HIVEP3: variants seen among roughly 807,000 people sequenced by gnomAD.
The protein encoded by HIVEP3 is HIVEP zinc finger 3, also known as transcription factor HIVEP3.
A neutral mutation model predicts 152.8 loss-of-function variants in HIVEP3; 49 were observed. The ratio of observed to expected loss-of-function variants is 0.32; its 90% CI spans 0.26 to 0.41. The LOEUF is 0.41. HIVEP3 is among the 10% of genes least tolerant of loss of function. The pLI is 1.00. For missense variants in HIVEP3, 2,790 were observed against 3,103.3 expected (o/e 0.90, Z 2.40); for synonymous variants, 1,269 against 1,289.0 (o/e 0.98, Z 0.33).
At chr1:41,626,481 A>G (rs943375) in intron 3 of HIVEP3, among the ~76,000 whole-genome samples, 90,037 of 152,068 alleles carry the variant, frequency 0.59, 27,496 homozygotes, top group African/African-American at 0.75. Context: ...CGGACAAACA[A>G]AGAGTCTGGG....
chr1:41,877,856 T>C (rs1264627216), intron 1 of HIVEP3, among the ~76,000 whole-genome samples: 2 of 152,126 alleles, frequency 1.3e-5, no homozygotes, highest in Non-Finnish European at 2.9e-5. Context: ...TCAACAAATA[T>C]CATTTGTTTT....
intron 1 of HIVEP3, among the ~76,000 whole-genome samples, chr1:41,761,677 GTGTA>G (rs1252833017): frequency 3.3e-5 from 5 of 152,172 alleles, no homozygotes; most frequent in African/African-American, 1.2e-4. Context: ...GTATACATAA[GTGTA>G]TGAGTAAATA....
intron 1 of HIVEP3, among the ~76,000 whole-genome samples, chr1:41,913,353 C>A (rs1005551447): frequency 6.6e-6 from 1 of 152,136 alleles, no homozygotes; most frequent in Non-Finnish European, 1.5e-5. Flanking sequence ...TTTCAAAATT[C>A]TTCTTCTATT....
At chr1:41,978,300 C>A (rs1465236254) in intron 1 of HIVEP3, among the ~76,000 whole-genome samples, 2 of 152,136 alleles carry the variant, frequency 1.3e-5, no homozygotes, top group Non-Finnish European at 2.9e-5. Flanking sequence ...CCCCCACCCC[C>A]CAAATTCATA....
chr1:41,571,434 TG>T (rs1644250493), intron 5 of HIVEP3, among the ~76,000 whole-genome samples: 2 of 152,214 alleles, frequency 1.3e-5, no homozygotes, highest in Admixed American at 6.5e-5. Context: ...ACATCCCTGA[TG>T]GGCACTCCCA....
chr1:41,954,948 T>C (rs1012382224), intron 1 of HIVEP3, among the ~76,000 whole-genome samples: 1 of 150,204 alleles, frequency 6.7e-6, no homozygotes, highest in Admixed American at 6.7e-5. Context: ...TTAGGAACCA[T>C]TTTCTCAGCT....
At chr1:41,930,405 C>T (rs376530705) in intron 1 of HIVEP3, among the ~76,000 whole-genome samples, 3 of 152,296 alleles carry the variant, frequency 2.0e-5, no homozygotes, top group East Asian at 1.9e-4. Context: ...GATTCTTTCA[C>T]TTCGCAAAAT....
At chr1:41,854,517 CTT>C (rs998972000) in intron 1 of HIVEP3, among the ~76,000 whole-genome samples, 2,387 of 103,554 alleles carry the variant, frequency 0.023, 18 homozygotes, top group African/African-American at 0.027. Flanking sequence ...TCTTGCTGCA[CTT>C]TTTTTTTTTT....
intron 2 of HIVEP3, among the ~76,000 whole-genome samples, chr1:41,687,622 A>G (rs1028964939): frequency 6.6e-6 from 1 of 152,180 alleles, no homozygotes. Context: ...AAACGCACAC[A>G]CTTAGGTGCA....
At chr1:41,676,846 C>T (rs1411500735) in intron 2 of HIVEP3, among the ~76,000 whole-genome samples, 1 of 152,196 alleles carries the variant, frequency 6.6e-6, no homozygotes, top group African/African-American at 2.4e-5. Context: ...GGGCCAATCA[C>T]AGCACCTCCC....
At chr1:41,563,806 A>G (rs1480242062) in intron 5 of HIVEP3, among the ~76,000 whole-genome samples, 2 of 152,242 alleles carry the variant, frequency 1.3e-5, no homozygotes, top group Non-Finnish European at 2.9e-5. Flanking sequence ...ACCAAGTAAC[A>G]TTAATAACAA....
intron 1 of HIVEP3, among the ~76,000 whole-genome samples, chr1:41,822,657 C>T (rs746640306): frequency 2.0e-5 from 3 of 152,168 alleles, no homozygotes; most frequent in Non-Finnish European, 2.9e-5. Flanking sequence ...CCAGCTATAC[C>T]ATGACAGTCC....
chr1:41,659,031 T>G (rs1480021094), intron 2 of HIVEP3, among the ~76,000 whole-genome samples: 1 of 152,152 alleles, frequency 6.6e-6, no homozygotes, highest in Admixed American at 6.5e-5. Context: ...TGGGCTTTAG[T>G]GATTGAACCA....
Position 41,524,715 on chromosome 1 carries a change from C to G in HIVEP3, c.5383+20G>C. ...TCCCTGCAGCGGGCAGGGGCAGTGCCCCAGCTGACTCTCTCTTACCTTTGG... is the reference window on the plus strand; with the variant it reads ...TCCCTGCAGCGGGCAGGGGCAGTGCGCCAGCTGACTCTCTCTTACCTTTGG... On this transcript the variant is annotated intron_variant, in intron 6 of 8. Coordinates refer to ENST00000372583, the MANE Select transcript of HIVEP3 (RefSeq NM_024503.5). 6.2e-7 allele frequency: 1 copy of G among 1,611,540 alleles called. No homozygotes were observed. Among genetic ancestry groups the G allele is most frequent in the Non-Finnish European group, 8.5e-7 (1 of 1,178,690 alleles).
chr1:41,581,390 C>T lies in HIVEP3; in HGVS notation c.3408G>A (p.Lys1136=), dbSNP rs200163948. The change falls in exon 4 of 9, where the codon AAG becomes AAA. Residue 1136 remains lysine, a synonymous_variant. Coordinates refer to ENST00000372583, the MANE Select transcript of HIVEP3 (RefSeq NM_024503.5). The surrounding 1 kb of genome is among the most constrained non-coding windows in gnomAD (Gnocchi z 4.5). ...GGGAGACTGGTGGGGGCAGGTATGGCTTCTCATGCAGGGGTGTCTGGGCAA... is the reference window on the plus strand; with the variant it reads ...GGGAGACTGGTGGGGGCAGGTATGGTTTCTCATGCAGGGGTGTCTGGGCAA... ...HPVAQTPLHE[K]PYLPPPVSLF... 125 of 1,609,934 alleles carry T rather than the reference C, an allele frequency of 7.8e-5. No homozygotes were observed. The Middle Eastern group carries it at 1.2e-3, about 15-fold the overall frequency.
At chr1:41,707,998 C>T (rs1210241225) in intron 1 of HIVEP3, among the ~76,000 whole-genome samples, 1 of 152,200 alleles carries the variant, frequency 6.6e-6, no homozygotes, top group Non-Finnish European at 1.5e-5. Context: ...GGGGCTGACA[C>T]CAGTTTCCTG....
intron 1 of HIVEP3, among the ~76,000 whole-genome samples, chr1:41,755,126 T>C (rs1647253437): frequency 6.6e-6 from 1 of 152,140 alleles, no homozygotes; most frequent in Admixed American, 6.5e-5. Context: ...TGGAAACAAA[T>C]AGCGAACCCA....
chr1:41,720,405 G>C (rs1379269884), intron 1 of HIVEP3, among the ~76,000 whole-genome samples: 2 of 152,224 alleles, frequency 1.3e-5, no homozygotes, highest in Admixed American at 1.3e-4. Context: ...TGTCTAGAAA[G>C]AGACATGTTC....
At chr1:42,013,035 A>C (rs896800870) in intron 1 of HIVEP3, among the ~76,000 whole-genome samples, 1 of 152,146 alleles carries the variant, frequency 6.6e-6, no homozygotes, top group Non-Finnish European at 1.5e-5. Context: ...ACAAAAATTT[A>C]TTGTCTACAG....
Sources: gnomAD v4.1 joint callset for allele counts (sites outside exome capture counted in the v4.1 genomes callset) on GRCh38, gnomAD v4.1.1 for gene constraint, Gnocchi (gnomAD v3.1) non-coding constraint, MANE v1.5 for transcripts, NCBI Gene and HGNC (gene_info 2026-07-23, HGNC 2026-07-21) for gene names.